Variants in POU6F2 observed in about 807,000 individuals in gnomAD.
POU6F2 encodes POU domain, class 6, transcription factor 2.
Under a neutral mutation model 71.3 loss-of-function variants are expected in POU6F2, and 31 were observed. That is an observed-to-expected ratio of 0.43 (90% CI 0.33 to 0.59). POU6F2 has a LOEUF of 0.59. POU6F2 is among the 20% of genes least tolerant of loss of function. POU6F2 has a pLI of 0.04. For synonymous variants in POU6F2, 347 were observed against 355.7 expected (o/e 0.98, Z 0.27); for missense variants, 783 against 856.8 (o/e 0.91, Z 1.07).
At chr7:39,143,863 A>G (rs777770849) in intron 2 of POU6F2, among the ~76,000 whole-genome samples, 3 of 152,230 alleles carry the variant, frequency 2.0e-5, no homozygotes, top group Non-Finnish European at 2.9e-5. Flanking sequence ...AACTACGTCA[A>G]TTATTGAAGA....
chr7:39,327,525 T>C (rs1286487125), intron 4 of POU6F2, among the ~76,000 whole-genome samples: 1 of 152,022 alleles, frequency 6.6e-6, no homozygotes, highest in Non-Finnish European at 1.5e-5. Flanking sequence ...TAGTCCCAGC[T>C]ACTCTGAGAG....
At chr7:39,165,355 C>A in intron 2 of POU6F2, among the ~76,000 whole-genome samples, 1 of 152,166 alleles carries the variant, frequency 6.6e-6, no homozygotes, top group East Asian at 1.9e-4. Flanking sequence ...AACGTTGAAA[C>A]TAGACCAACT....
intron 2 of POU6F2, among the ~76,000 whole-genome samples, chr7:39,103,454 G>A (rs4723823): frequency 0.43 from 65,193 of 151,978 alleles, 14,397 homozygotes; most frequent in East Asian, 0.69. Context: ...CCCAAAGTAG[G>A]CAATAAAGTG....
At chr7:38,984,306 C>T (rs1042963524) in intron 1 of POU6F2, 3 of 152,150 alleles carry the variant, frequency 2.0e-5, no homozygotes, top group African/African-American at 7.2e-5. Context: ...GCCATTTCTC[C>T]ATCAGCTTTT....
intron 4 of POU6F2, among the ~76,000 whole-genome samples, chr7:39,228,582 T>C (rs996435355): frequency 1.3e-5 from 2 of 152,108 alleles, no homozygotes; most frequent in African/African-American, 4.8e-5. Flanking sequence ...ACTCAGAAAA[T>C]AAAGCGGGGT....
intron 2 of POU6F2, among the ~76,000 whole-genome samples, chr7:39,194,771 G>C (rs903072621): frequency 6.6e-6 from 1 of 152,188 alleles, no homozygotes; most frequent in Non-Finnish European, 1.5e-5. Flanking sequence ...TTTATGAGCT[G>C]TAACACTCAC....
chr7:39,348,126 C>T (rs1310296950), intron 5 of POU6F2, among the ~76,000 whole-genome samples: 1 of 143,858 alleles, frequency 7.0e-6, no homozygotes, highest in East Asian at 1.9e-4. Context: ...ACATAATAAA[C>T]TCTTGAGAAA....
chr7:39,274,025 AC>A (rs1291095463), intron 4 of POU6F2, among the ~76,000 whole-genome samples: 1 of 152,176 alleles, frequency 6.6e-6, no homozygotes, highest in Admixed American at 6.5e-5. Flanking sequence ...ATGTAAACTA[AC>A]AGTTGTATTC....
intron 7 of POU6F2, among the ~76,000 whole-genome samples, chr7:39,438,235 T>C (rs547458309): frequency 4.3e-4 from 66 of 152,290 alleles, no homozygotes; most frequent in Admixed American, 3.8e-3. Flanking sequence ...CTGAGAATGA[T>C]GGTTTCCAGC....
chr7:39,272,873 A>G (rs564000551), intron 4 of POU6F2, among the ~76,000 whole-genome samples: 1 of 152,368 alleles, frequency 6.6e-6, no homozygotes, highest in South Asian at 2.1e-4. Context: ...ATAGTCACTC[A>G]ACTCTAGTCA....
At chr7:39,419,948 C>G (rs2115963766) in intron 6 of POU6F2, among the ~76,000 whole-genome samples, 1 of 152,290 alleles carries the variant, frequency 6.6e-6, no homozygotes, top group Non-Finnish European at 1.5e-5. Flanking sequence ...TTCTCCGTAA[C>G]AAAATGTTGT....
At chr7:39,382,477 T>TAG (rs1786849731) in intron 5 of POU6F2, among the ~76,000 whole-genome samples, 1 of 152,054 alleles carries the variant, frequency 6.6e-6, no homozygotes, top group Non-Finnish European at 1.5e-5. Context: ...GCAACTGGAA[T>TAG]AGACCCCACC....
At chr7:39,245,757 G>T (rs375384099) in intron 4 of POU6F2, among the ~76,000 whole-genome samples, 6 of 152,158 alleles carry the variant, frequency 3.9e-5, no homozygotes, top group African/African-American at 1.4e-4. Context: ...GTTCCAGCTA[G>T]ATTCAATAGG....
chr7:39,218,790 A>G (rs1358963306), intron 4 of POU6F2, among the ~76,000 whole-genome samples: 3 of 152,108 alleles, frequency 2.0e-5, no homozygotes, highest in African/African-American at 7.2e-5. Flanking sequence ...GGAAAGAGAG[A>G]GGAGATCCCT....
intron 4 of POU6F2, among the ~76,000 whole-genome samples, chr7:39,259,453 A>G (rs1257401981): frequency 6.6e-6 from 1 of 152,136 alleles, no homozygotes; most frequent in East Asian, 1.9e-4. Flanking sequence ...GAGTAGGGAG[A>G]TGACTGAGGA....
At chr7:39,343,833 TG>T (rs1785974218) in intron 5 of POU6F2, among the ~76,000 whole-genome samples, 1 of 152,218 alleles carries the variant, frequency 6.6e-6, no homozygotes, top group Non-Finnish European at 1.5e-5. Context: ...AGTAGGCCTC[TG>T]GAATTTTATT....
Position 39,374,448 on chromosome 7 carries a change from C to T in POU6F2, c.973-32152C>T, listed in dbSNP as rs182125369. 4.2e-3 allele frequency among the ~76,000 whole-genome samples: 637 copies of T among 152,306 alleles called. 4 individuals are homozygous for T. Among genetic ancestry groups the T allele is most frequent in the African/African-American group, 0.014 (583 of 41,562 alleles). On this transcript the variant is annotated intron_variant, in intron 5 of 9. Coordinates refer to ENST00000518318, the MANE Select transcript of POU6F2 (RefSeq NM_001370959.1). ...TCTACCGTGAGATACTGACAGCTTT[C>T]TGGGTCTGGAGGAAAGCCTGGGAAC...
At chr7:38,984,452 C>T (rs1788410410) in intron 1 of POU6F2, 1 of 152,092 alleles carries the variant, frequency 6.6e-6, no homozygotes, top group African/African-American at 2.4e-5. Flanking sequence ...AAAAAGGCAG[C>T]AGAAAACTCA....
intron 4 of POU6F2, among the ~76,000 whole-genome samples, chr7:39,275,338 C>T (rs1221929486): frequency 1.3e-5 from 2 of 152,174 alleles, no homozygotes; most frequent in African/African-American, 2.4e-5. Flanking sequence ...GGAATCCAAC[C>T]TACAAGGGAC....
Sources: allele counts gnomAD v4.1 joint callset (sites outside exome capture counted in the v4.1 genomes callset), GRCh38; gene constraint gnomAD v4.1.1; transcripts MANE v1.5; gene names NCBI Gene and HGNC (gene_info 2026-07-23, HGNC 2026-07-21).